Variants in VWC2L observed in about 807,000 individuals in gnomAD.
The protein encoded by VWC2L is von Willebrand factor C domain containing 2 like.
A neutral mutation model predicts 21.6 loss-of-function variants in VWC2L; 10 were observed. The observed-to-expected ratio is 0.46, with a 90% CI of 0.29 to 0.78. The LOEUF (loss-of-function observed/expected upper bound fraction) is 0.78, where lower values mean the gene tolerates loss of function less well. Among genes scored for constraint, VWC2L ranks in the 30% least tolerant of loss-of-function variants. The pLI is 0.10. For synonymous variants in VWC2L, 96 were observed against 94.3 expected (o/e 1.02, Z -0.10); for missense variants, 209 against 277.1 (o/e 0.75, Z 1.74).
intron 3 of VWC2L, among the ~76,000 whole-genome samples, chr2:214,496,807 G>A (rs147445689): frequency 6.6e-4 from 101 of 152,204 alleles, no homozygotes; most frequent in African/African-American, 2.2e-3. Context: ...CTCACCAGAC[G>A]CTTGGTTCTC....
At chr2:214,573,976 A>G (rs1231735656) in intron 3 of VWC2L, among the ~76,000 whole-genome samples, 1 of 152,128 alleles carries the variant, frequency 6.6e-6, no homozygotes, top group Admixed American at 6.6e-5. Flanking sequence ...CCTCATCTCT[A>G]CTAAAAATAC....
Position 214,451,313 on chromosome 2 carries a change from G to A in VWC2L, c.520+14555G>A, listed in dbSNP as rs199860993. 1.3e-3 allele frequency among the ~76,000 whole-genome samples: 198 copies of A among 147,386 alleles called. 4 individuals are homozygous for A. The highest frequency in any genetic ancestry group is 2.2e-3 in the Non-Finnish European group (145 of 65,574). ...GAAGGATAAGTGGGTCGGTGTGGGGGGGGGGGGCAGTAAAAGCTGAAATAA... is the reference window on the plus strand; with the variant it reads ...GAAGGATAAGTGGGTCGGTGTGGGGAGGGGGGGCAGTAAAAGCTGAAATAA... On this transcript the variant is annotated intron_variant, in intron 3 of 3. Coordinates refer to ENST00000312504, the MANE Select transcript of VWC2L (RefSeq NM_001080500.4).
rs4673848 is a variant in VWC2L at position 214,516,657 on chromosome 2, A to T, written c.521-59015A>T. The stretch of plus-strand genomic sequence containing the variant: ...GCCAGAGAAACAGCCTTTTGAAATT[A>T]AAAAAAAAAAAAAAGGAAGCTGGGG... On this transcript the variant is annotated intron_variant, in intron 3 of 3. Coordinates refer to ENST00000312504, the MANE Select transcript of VWC2L (RefSeq NM_001080500.4). Among the ~76,000 whole-genome samples, 229 of 45,556 alleles carry T rather than the reference A, an allele frequency of 5.0e-3. 1 individual carries two copies. The highest frequency in any genetic ancestry group is 0.013 in the African/African-American group (173 of 13,128). 29.9% of individuals were successfully genotyped at this position (45,556 alleles called of 152,430 possible).
Position 214,414,417 on chromosome 2 carries a change from C to A in VWC2L, c.224C>A (p.Pro75Gln). 7 of 1,613,540 alleles carry A rather than the reference C, an allele frequency of 4.3e-6. No individual in the cohort carries two copies. The highest frequency in any genetic ancestry group is 5.9e-6 in the Non-Finnish European group (7 of 1,179,688). Residue 75 changes from proline (P) to glutamine (Q), a missense_variant, in exon 2 of 4, where the codon CCA becomes CAA. Coordinates refer to ENST00000312504, the MANE Select transcript of VWC2L (RefSeq NM_001080500.4). ...TTTTTCCCTGGGCATTCCAACTGTCCATGTGTCTGTGCTCTAGATGGACCT... is the reference window on the plus strand; with the variant it reads ...TTTTTCCCTGGGCATTCCAACTGTCAATGTGTCTGTGCTCTAGATGGACCT... ...ERFFPGHSNC[P>Q]CVCALDGPVC... is the part of the protein sequence containing the mutation.
intron 2 of VWC2L, among the ~76,000 whole-genome samples, chr2:214,429,195 C>G (rs1402917629): frequency 1.3e-5 from 2 of 152,164 alleles, no homozygotes; most frequent in Admixed American, 1.3e-4. Context: ...TTTGAAGTTA[C>G]ACAGTTGCTC....
chr2:214,541,949 A>T (rs1433285977), intron 3 of VWC2L, among the ~76,000 whole-genome samples: 1 of 151,232 alleles, frequency 6.6e-6, no homozygotes, highest in Non-Finnish European at 1.5e-5. Flanking sequence ...GTTGACTCTA[A>T]TTCAGAATAA....
Position 214,576,663 on chromosome 2 carries a change from C to G in VWC2L, c.*843C>G, listed in dbSNP as rs1250516882. 2 of 152,166 alleles carry G rather than the reference C, an allele frequency of 1.3e-5. No homozygotes were observed. Among genetic ancestry groups the G allele is most frequent in the African/African-American group, 4.8e-5 (2 of 41,420 alleles). The allele number at this position is 152,166 out of a possible 1,614,324, so 9.4% of individuals were successfully genotyped here. A position where few individuals can be genotyped will look rare whatever the true frequency, so the allele number is the denominator to read the frequency against. On this transcript the variant is annotated 3_prime_UTR_variant, in exon 4 of 4. Transcript: ENST00000312504. ...TTTGAGTTTGGTTTGTAGCTAAACACACTCTAAACTCACTGTCATCAGGCA... is the reference window on the plus strand; with the variant it reads ...TTTGAGTTTGGTTTGTAGCTAAACAGACTCTAAACTCACTGTCATCAGGCA...
chr2:214,414,704 A>G (rs1215011295), intron 2 of VWC2L, 121 bp downstream of exon 2: 3 of 1,116,084 alleles, frequency 2.7e-6, no homozygotes, highest in Admixed American at 5.9e-5. Flanking sequence ...AAATTATACA[A>G]TTTGATTCTA....
chr2:214,424,406 A>T (rs1702491871), intron 2 of VWC2L, among the ~76,000 whole-genome samples: 1 of 152,184 alleles, frequency 6.6e-6, no homozygotes, highest in Non-Finnish European at 1.5e-5. Context: ...GTATAGTTCA[A>T]CAGCTGAGAG....
intron 3 of VWC2L, among the ~76,000 whole-genome samples, chr2:214,550,425 GTAT>G: frequency 2.0e-5 from 3 of 152,014 alleles, no homozygotes; most frequent in Admixed American, 6.6e-5. Context: ...TATTTCTAAT[GTAT>G]CCAACACTTA....
At chr2:214,431,984 T>C (rs904937689) in intron 2 of VWC2L, among the ~76,000 whole-genome samples, 3 of 152,216 alleles carry the variant, frequency 2.0e-5, no homozygotes, top group African/African-American at 7.2e-5. Flanking sequence ...GGTGAGTTTA[T>C]GTGCATTGCC....
intron 3 of VWC2L, among the ~76,000 whole-genome samples, chr2:214,568,341 G>A (rs1690099963): frequency 6.6e-6 from 1 of 152,054 alleles, no homozygotes; most frequent in Non-Finnish European, 1.5e-5. Flanking sequence ...CTCCCTGAAG[G>A]CAAAAACTCT....
chr2:214,444,866 A>G (rs2126182107), intron 3 of VWC2L, among the ~76,000 whole-genome samples: 1 of 152,160 alleles, frequency 6.6e-6, no homozygotes, highest in African/African-American at 2.4e-5. Flanking sequence ...AAATAAATTT[A>G]AGTTGGATTA....
At chr2:214,476,507 C>T (rs998698053) in intron 3 of VWC2L, among the ~76,000 whole-genome samples, 4 of 152,046 alleles carry the variant, frequency 2.6e-5, no homozygotes, top group South Asian at 2.1e-4. Context: ...CTAACTTACC[C>T]GGCTTTCCAT....
Position 214,575,957 on chromosome 2 carries a change from A to G in VWC2L, c.*137A>G. The G allele has an allele frequency of 2.1e-6, 2 of 940,352 alleles. No individual in the cohort carries two copies. Among genetic ancestry groups the G allele is most frequent in the Non-Finnish European group, 1.6e-6 (1 of 641,858 alleles). 58.3% of individuals were successfully genotyped at this position (940,352 alleles called of 1,614,324 possible). On this transcript the variant is annotated 3_prime_UTR_variant, in exon 4 of 4. Transcript: ENST00000312504. Reference sequence around the variant, plus strand: ...ACCAGCAAAACTTTCTAGGGTTGACAAAAGTGAATATTTTCCTAAGAGGAA... The same window carrying G: ...ACCAGCAAAACTTTCTAGGGTTGACGAAAGTGAATATTTTCCTAAGAGGAA...
chr2:214,537,435 A>G (rs1396439972), intron 3 of VWC2L, among the ~76,000 whole-genome samples: 1 of 152,092 alleles, frequency 6.6e-6, no homozygotes, highest in African/African-American at 2.4e-5. Flanking sequence ...ACGAAAAAAA[A>G]AAGGCATGTT....
chr2:214,429,947 C>G (rs1012986173), intron 2 of VWC2L, among the ~76,000 whole-genome samples: 1 of 152,080 alleles, frequency 6.6e-6, no homozygotes, highest in African/African-American at 2.4e-5. Context: ...CCTCAGCCTT[C>G]CGAGTAGCTG....
chr2:214,515,513 T>C (rs1689127088), intron 3 of VWC2L, among the ~76,000 whole-genome samples: 2 of 152,156 alleles, frequency 1.3e-5, no homozygotes. Flanking sequence ...AACAAGTGAG[T>C]TGGCAAAATC....
intron 3 of VWC2L, among the ~76,000 whole-genome samples, chr2:214,555,358 C>T (rs1041327260): frequency 6.6e-6 from 1 of 152,168 alleles, no homozygotes; most frequent in African/African-American, 2.4e-5. Context: ...TTATCAGGAC[C>T]TGTTGAGACT....
Sources: gnomAD v4.1 joint callset for allele counts (sites outside exome capture counted in the v4.1 genomes callset) on GRCh38, gnomAD v4.1.1 for gene constraint, MANE v1.5 for transcripts, NCBI Gene and HGNC (gene_info 2026-07-23, HGNC 2026-07-21) for gene names.